Variants in WDFY4 observed in about 807,000 individuals in gnomAD.
WDFY4 encodes the protein WD repeat- and FYVE domain-containing protein 4.
WDFY4 carries 169 observed loss-of-function variants against 351.9 expected under a neutral mutation model. That is an observed-to-expected ratio of 0.48 (90% CI 0.42 to 0.55). WDFY4 has a LOEUF of 0.55. WDFY4 is among the 20% of genes least tolerant of loss of function. The pLI is 0.00. For synonymous variants in WDFY4, 1,622 were observed against 1,574.6 expected (o/e 1.03, Z -0.71); for missense variants, 3,803 against 3,935.6 (o/e 0.97, Z 0.90).
chr10:48,746,433 G>A (rs1358025842), intron 12 of WDFY4, among the ~76,000 whole-genome samples: 2 of 151,892 alleles, frequency 1.3e-5, no homozygotes, highest in African/African-American at 2.4e-5. Context: ...ACCTTTCTGT[G>A]TACTGTCCTT....
intron 47 of WDFY4, chr10:48,914,282 G>A (rs892068941): frequency 2.0e-6 from 2 of 1,006,448 alleles, no homozygotes. Flanking sequence ...GAGGGCACTG[G>A]GCTCCCCCAC....
At chr10:48,893,405 A>G (rs541950330) in intron 44 of WDFY4, among the ~76,000 whole-genome samples, 1 of 152,334 alleles carries the variant, frequency 6.6e-6, no homozygotes, top group African/African-American at 2.4e-5. Flanking sequence ...TCTACCCATG[A>G]CAAGGGCATT....
rs1049597145 is a variant in WDFY4, at chr10:48,710,011, G to T, written c.234+45G>T. 2.0e-6 allele frequency: 3 copies of T among 1,484,020 alleles called. No individual in the cohort carries two copies. In the African/African-American group the frequency reaches 4.2e-5, roughly 21 times the overall value. 91.9% of individuals were successfully genotyped at this position (1,484,020 alleles called of 1,614,324 possible). A position where few individuals can be genotyped will look rare whatever the true frequency, so the allele number is the denominator to read the frequency against. On this transcript the variant is annotated intron_variant, in intron 2 of 61. Transcript: ENST00000325239. Reference sequence around the variant, plus strand: ...AAACTGTAAGGTGATAGGCGCTCTGGGACACTTCTGGGATGATTGCATAGT... The same window carrying T: ...AAACTGTAAGGTGATAGGCGCTCTGTGACACTTCTGGGATGATTGCATAGT...
chr10:48,720,030 G>A lies in WDFY4; in HGVS notation c.254G>A (p.Gly85Glu). The change falls in exon 3 of 62, where the codon GGG becomes GAG. Residue 85 changes from glycine (G) to glutamate (E), a missense_variant. Coordinates refer to ENST00000325239, the MANE Select transcript of WDFY4 (RefSeq NM_001394531.1). ...CTTCAGGCCTGGGAACACTCCGTGG[G>A]GATCATCTGCTTTCCCAGTCTCCAA... ...LFLKAWEHSV[G>E]IICFPSLQRL... 5 of 1,551,724 alleles carry A rather than the reference G, an allele frequency of 3.2e-6. No individual in the cohort carries two copies. Among genetic ancestry groups the A allele is most frequent in the Non-Finnish European group, 4.4e-6 (5 of 1,146,970 alleles).
chr10:48,891,842 TTGTCC>T, intron 44 of WDFY4, among the ~76,000 whole-genome samples: 1 of 152,354 alleles, frequency 6.6e-6, no homozygotes, highest in Non-Finnish European at 1.5e-5. Flanking sequence ...TAACTTCCAG[TTGTCC>T]TATCACTTCC....
intron 53 of WDFY4, 103 bp downstream of exon 53, chr10:48,959,916 TGA>T: frequency 9.4e-7 from 1 of 1,068,496 alleles, no homozygotes; most frequent in Non-Finnish European, 1.4e-6. Flanking sequence ...ACCAGCACTG[TGA>T]GGCTCATGTC....
intron 13 of WDFY4, among the ~76,000 whole-genome samples, chr10:48,772,517 C>CTTTTTTTTTTTTTTTTTTTTGTTTT (rs10672319): frequency 1.4e-5 from 1 of 70,652 alleles, no homozygotes; most frequent in East Asian, 3.7e-4. Context: ...GAGGGCAGTT[C>CTTTTTTTTTTTTTTTTTTTTGTTTT]TTTTTTTTTT....
intron 40 of WDFY4, among the ~76,000 whole-genome samples, chr10:48,868,436 G>T (rs192731389): frequency 3.3e-5 from 5 of 152,296 alleles, no homozygotes; most frequent in Non-Finnish European, 7.4e-5. Context: ...CCCTTTGGTT[G>T]GACAAGGGTT....
At position 48,975,257 on chromosome 10, in the gene WDFY4, C is replaced by T. The variant is rs952614349; in HGVS notation, c.9108+216C>T. ...ACTTTCCTCCCTCTGGTGTTGGGGACAGTGGGAAGTGTCTGCTTTGCTGCG... is the reference window on the plus strand; with the variant it reads ...ACTTTCCTCCCTCTGGTGTTGGGGATAGTGGGAAGTGTCTGCTTTGCTGCG... On this transcript the variant is annotated intron_variant, in intron 58 of 61. Coordinates refer to ENST00000325239, the MANE Select transcript of WDFY4 (RefSeq NM_001394531.1). 4 of 687,398 alleles carry T rather than the reference C, an allele frequency of 5.8e-6. No individual in the cohort carries two copies. In the Admixed American group the frequency reaches 1.0e-4, roughly 17 times the overall value. 42.6% of individuals were successfully genotyped at this position (687,398 alleles called of 1,614,324 possible). A position where few individuals can be genotyped will look rare whatever the true frequency, so the allele number is the denominator to read the frequency against.
chr10:48,803,381 T>A, intron 25 of WDFY4, 22 bp downstream of exon 25: 2 of 1,551,098 alleles, frequency 1.3e-6, no homozygotes, highest in Non-Finnish European at 1.7e-6. Context: ...CTTGGCAGCC[T>A]GGGGGTTAGA....
At chr10:48,719,686 T>A (rs1322619281) in intron 2 of WDFY4, among the ~76,000 whole-genome samples, 1 of 152,174 alleles carries the variant, frequency 6.6e-6, no homozygotes, top group Non-Finnish European at 1.5e-5. Flanking sequence ...CTGGTGCTCC[T>A]ATGGGGGCAG....
Position 48,731,442 on chromosome 10 carries a change from C to T in WDFY4, c.1462C>T (p.Gln488Ter). 6.4e-7 allele frequency: 1 copy of T among 1,551,720 alleles called. No homozygotes were observed. Among genetic ancestry groups the T allele is most frequent in the South Asian group, 1.2e-5 (1 of 84,066 alleles). ...PGPSCTLMAL[Q>*]SILSIAGGDP... is the part of the protein sequence containing the mutation. ...GCCATCCTGCACCCTCATGGCCCTG[C>T]AGAGCATCCTCAGCATCGCTGGTGG... is the stretch of plus-strand genomic sequence containing the variant. Residue 488 changes from glutamine to a stop codon, truncating the protein, a stop_gained, in exon 9 of 62, where the codon CAG (glutamine) becomes TAG (stop). Transcript: ENST00000325239. LOFTEE classifies it high-confidence loss of function.
chr10:48,781,025 C>T (rs578164029), intron 19 of WDFY4, among the ~76,000 whole-genome samples: 1 of 152,304 alleles, frequency 6.6e-6, no homozygotes, highest in South Asian at 2.1e-4. Context: ...CCTCCCCTGA[C>T]CTTGCCCAGT....
At chr10:48,823,231 A>G in intron 35 of WDFY4, 2 of 1,303,790 alleles carry the variant, frequency 1.5e-6, no homozygotes, top group Non-Finnish European at 2.0e-6. Flanking sequence ...GCCTCCAGGA[A>G]ACCTTTGCTC....
chr10:48,824,380 C>T (rs2067927067), intron 35 of WDFY4, among the ~76,000 whole-genome samples: 1 of 152,172 alleles, frequency 6.6e-6, no homozygotes, highest in Admixed American at 6.5e-5. Flanking sequence ...CTATGATAAC[C>T]ATTAATAATG....
intron 40 of WDFY4, among the ~76,000 whole-genome samples, chr10:48,872,384 C>A (rs1284466051): frequency 6.6e-6 from 1 of 152,164 alleles, no homozygotes. Context: ...TTGGAGAAGG[C>A]ACTTCTCCTT....
intron 19 of WDFY4, among the ~76,000 whole-genome samples, chr10:48,785,314 C>A (rs2066370324): frequency 6.6e-6 from 1 of 152,032 alleles, no homozygotes; most frequent in Non-Finnish European, 1.5e-5. Flanking sequence ...GTCTTTTAAT[C>A]CTCTTTCACA....
rs1271388052 is a variant in WDFY4, at chr10:48,900,417, C to A, written c.7523+111C>A. The A allele has an allele frequency of 5.9e-6, 6 of 1,011,534 alleles. No individual in the cohort carries two copies. In the African/African-American group the frequency reaches 9.9e-5, roughly 17 times the overall value. The allele number at this position is 1,011,534 out of a possible 1,614,324, so 62.7% of individuals were successfully genotyped here. On this transcript the variant is annotated intron_variant, in intron 46 of 61. Coordinates refer to ENST00000325239, the MANE Select transcript of WDFY4 (RefSeq NM_001394531.1). Reference sequence around the variant, plus strand: ...AAAAGTGTTCTCAACCCACAGTGAACGCCACTCAGGCTGGGCCCAGGGAGG... The same window carrying A: ...AAAAGTGTTCTCAACCCACAGTGAAAGCCACTCAGGCTGGGCCCAGGGAGG...
chr10:48,869,989 G>A (rs2069701715), intron 40 of WDFY4, among the ~76,000 whole-genome samples: 1 of 152,222 alleles, frequency 6.6e-6, no homozygotes, highest in African/African-American at 2.4e-5. Context: ...CAGAATTCAA[G>A]CAGCGCTGGA....
Sources: allele counts gnomAD v4.1 joint callset (sites outside exome capture counted in the v4.1 genomes callset), GRCh38; gene constraint gnomAD v4.1.1; transcripts MANE v1.5; gene names NCBI Gene and HGNC (gene_info 2026-07-23, HGNC 2026-07-21).